MACROD2: variants seen among roughly 807,000 people sequenced by gnomAD.
The protein encoded by MACROD2 is mono-ADP ribosylhydrolase 2.
In MACROD2, 36 loss-of-function variants were observed where a neutral mutation model predicts 70.4. That is an observed-to-expected ratio of 0.51 (90% CI 0.39 to 0.68). MACROD2 has a LOEUF of 0.68. MACROD2 is among the 30% of genes least tolerant of loss of function. MACROD2 has a pLI of 0.00. For missense variants in MACROD2, 496 were observed against 538.4 expected, an observed-to-expected ratio of 0.92 and a Z score of 0.78; for synonymous variants, 172 against 178.8, an observed-to-expected ratio of 0.96 and a Z score of 0.30.
At chr20:14,323,798 A>C (rs530116060) in intron 3 of MACROD2, 3 of 152,140 alleles carry the variant, frequency 2.0e-5, no homozygotes, top group Non-Finnish European at 4.4e-5. Context: ...ACTCTACTAA[A>C]AGGCTATTTT....
chr20:14,432,188 C>T (rs2084002213), intron 3 of MACROD2, among the ~76,000 whole-genome samples: 1 of 152,122 alleles, frequency 6.6e-6, no homozygotes, highest in African/African-American at 2.4e-5. Context: ...CATGCTGTTC[C>T]TGGACATTGT....
chr20:15,377,070 T>A (rs2045573046), intron 6 of MACROD2, among the ~76,000 whole-genome samples: 2 of 152,078 alleles, frequency 1.3e-5, no homozygotes, highest in Non-Finnish European at 2.9e-5. Context: ...TTTTGTATTT[T>A]TAGTAGAGAT....
chr20:15,013,866 G>A (rs558664237), intron 5 of MACROD2, among the ~76,000 whole-genome samples: 1 of 152,180 alleles, frequency 6.6e-6, no homozygotes, highest in Non-Finnish European at 1.5e-5. Flanking sequence ...AATGAAGCAT[G>A]ATCACTCTGA....
chr20:14,795,901 G>A (rs1568800564), intron 5 of MACROD2, among the ~76,000 whole-genome samples: 1 of 152,000 alleles, frequency 6.6e-6, no homozygotes, highest in Non-Finnish European at 1.5e-5. Flanking sequence ...ATGAATAAAG[G>A]AGCCAAGTGT....
chr20:15,004,509 G>T (rs1166740084), intron 5 of MACROD2, among the ~76,000 whole-genome samples: 1 of 152,162 alleles, frequency 6.6e-6, no homozygotes, highest in African/African-American at 2.4e-5. Flanking sequence ...TGTACTACCA[G>T]ATAGCTATCT....
chr20:15,704,073 C>T (rs957289779), intron 8 of MACROD2, among the ~76,000 whole-genome samples: 3 of 152,194 alleles, frequency 2.0e-5, no homozygotes, highest in African/African-American at 7.2e-5. Context: ...CCACACCATC[C>T]TAACCCCTCC....
At chr20:15,139,628 A>AG (rs778351331) in intron 5 of MACROD2, among the ~76,000 whole-genome samples, 1 of 152,084 alleles carries the variant, frequency 6.6e-6, no homozygotes, top group Non-Finnish European at 1.5e-5. Flanking sequence ...ATGTATTGGG[A>AG]GAAAAAAAAA....
In MACROD2 at chr20:15,054,136, G is replaced by GAAGATGC. The variant is rs543231471; in HGVS notation, c.419-175803_419-175797dup. 2.6e-3 allele frequency among the ~76,000 whole-genome samples: 400 copies of GAAGATGC among 152,330 alleles called. 1 individual carries two copies. The highest frequency in any genetic ancestry group is 4.5e-3 in the Non-Finnish European group (306 of 68,028). ...TATTGAGATGGAATCTGCTCCTGAT[G>GAAGATGC]AAGATGCTGTGAACATTGTTGAAAT... On this transcript the variant is annotated intron_variant, in intron 5 of 17. Coordinates refer to ENST00000684519, the MANE Select transcript of MACROD2 (RefSeq NM_001351661.2).
At chr20:14,829,505 A>G (rs1298596804) in intron 5 of MACROD2, among the ~76,000 whole-genome samples, 3 of 151,954 alleles carry the variant, frequency 2.0e-5, no homozygotes, top group Non-Finnish European at 2.9e-5. Flanking sequence ...GCTCAACACT[A>G]CTCATTTTTT....
intron 3 of MACROD2, among the ~76,000 whole-genome samples, chr20:14,254,266 A>G (rs1249275610): frequency 6.6e-6 from 1 of 152,036 alleles, no homozygotes; most frequent in Non-Finnish European, 1.5e-5. Context: ...AAATATTTGG[A>G]AACTATTTTT....
chr20:14,459,410 T>C (rs1443592710), intron 3 of MACROD2, among the ~76,000 whole-genome samples: 1 of 151,914 alleles, frequency 6.6e-6, no homozygotes, highest in East Asian at 1.9e-4. Context: ...AAGTACACAT[T>C]TTTGTATTTA....
At chr20:14,249,948 T>C (rs772916945) in intron 3 of MACROD2, among the ~76,000 whole-genome samples, 5 of 151,954 alleles carry the variant, frequency 3.3e-5, no homozygotes, top group Non-Finnish European at 7.4e-5. Flanking sequence ...AAAGTCAAAG[T>C]ATAAAAGGAG....
chr20:15,694,554 G>C (rs1431200181), intron 8 of MACROD2, among the ~76,000 whole-genome samples: 1 of 151,950 alleles, frequency 6.6e-6, no homozygotes, highest in Non-Finnish European at 1.5e-5. Flanking sequence ...CCCACTTTTG[G>C]ATGTGATGTT....
chr20:15,345,763 G>A (rs1181714367), intron 6 of MACROD2, among the ~76,000 whole-genome samples: 1 of 152,164 alleles, frequency 6.6e-6, no homozygotes, highest in Non-Finnish European at 1.5e-5. Context: ...TGCAGTCCTG[G>A]CTGATCCACA....
At chr20:14,242,205 G>A (rs961696029) in intron 3 of MACROD2, among the ~76,000 whole-genome samples, 1 of 151,940 alleles carries the variant, frequency 6.6e-6, no homozygotes, top group African/African-American at 2.4e-5. Flanking sequence ...TAAAATGTTT[G>A]GATTCATCTT....
chr20:14,627,174 C>T lies in MACROD2; in HGVS notation c.302-57669C>T, dbSNP rs1288611717. 2.0e-5 allele frequency: 3 copies of T among 152,270 alleles called. No individual in the cohort carries two copies. In the East Asian group the frequency reaches 5.8e-4, roughly 29 times the overall value. 9.4% of individuals were successfully genotyped at this position (152,270 alleles called of 1,614,324 possible). ...GTGGCCTGAGGAGTGAACTAAAATGCGTGCTGTATGTACCACCTCGATATC... is the reference window on the plus strand; with the variant it reads ...GTGGCCTGAGGAGTGAACTAAAATGTGTGCTGTATGTACCACCTCGATATC... On this transcript the variant is annotated intron_variant, in intron 4 of 17. Coordinates refer to ENST00000684519, the MANE Select transcript of MACROD2 (RefSeq NM_001351661.2).
At chr20:15,452,474 A>G (rs1460211336) in intron 7 of MACROD2, among the ~76,000 whole-genome samples, 1 of 152,190 alleles carries the variant, frequency 6.6e-6, no homozygotes, top group Non-Finnish European at 1.5e-5. Context: ...GTCTTTTTTA[A>G]AAGACAAATG....
intron 3 of MACROD2, among the ~76,000 whole-genome samples, chr20:14,209,622 C>T (rs527396441): frequency 1.3e-5 from 2 of 152,152 alleles, no homozygotes; most frequent in Non-Finnish European, 2.9e-5. Flanking sequence ...ACTAGGTGGC[C>T]CTTCTTGTGG....
At chr20:14,590,821 G>A (rs1033625776) in intron 4 of MACROD2, among the ~76,000 whole-genome samples, 1 of 152,102 alleles carries the variant, frequency 6.6e-6, no homozygotes, top group Admixed American at 6.6e-5. Flanking sequence ...GTATGGCCTT[G>A]TGTGATCCTA....
Sources: gnomAD v4.1 joint callset for allele counts (sites outside exome capture counted in the v4.1 genomes callset) on GRCh38, gnomAD v4.1.1 for gene constraint, MANE v1.5 for transcripts, NCBI Gene and HGNC (gene_info 2026-07-23, HGNC 2026-07-21) for gene names.